The following MRPL1 variants were observed in gnomAD, a reference collection of about 807,000 sequenced individuals.
MRPL1 encodes the protein large ribosomal subunit protein uL1m.
A neutral mutation model predicts 38.0 loss-of-function variants in MRPL1; 28 were observed. The ratio of observed to expected loss-of-function variants is 0.74; its 90% CI spans 0.55 to 1.01. The LOEUF (loss-of-function observed/expected upper bound fraction) is 1.01, where lower values mean the gene tolerates loss of function less well. MRPL1 is among the 50% of genes least tolerant of loss of function. The probability of loss-of-function intolerance (pLI) is 0.00; values close to 1 mark genes in which losing one functional copy is unlikely to be tolerated. For synonymous variants in MRPL1, 123 were observed against 126.7 expected (o/e 0.97, Z 0.20); for missense variants, 358 against 389.8 (o/e 0.92, Z 0.69).
intron 7 of MRPL1, among the ~76,000 whole-genome samples, chr4:77,916,793 A>G (rs1560469197): frequency 6.6e-6 from 1 of 152,218 alleles, no homozygotes; most frequent in African/African-American, 2.4e-5. Flanking sequence ...AAAATTTCAC[A>G]AAGAAATATT....
At chr4:77,948,765 C>A (rs1342678380) in intron 7 of MRPL1, among the ~76,000 whole-genome samples, 2 of 147,978 alleles carry the variant, frequency 1.4e-5, no homozygotes, top group Non-Finnish European at 3.0e-5. Context: ...GAATCTTCTT[C>A]TTCTTCTTTT....
chr4:77,923,621 TTATGTGTG>T (rs1305003487), intron 7 of MRPL1, among the ~76,000 whole-genome samples: 1 of 151,972 alleles, frequency 6.6e-6, no homozygotes, highest in Admixed American at 6.6e-5. Flanking sequence ...TCAATCAAAC[TTATGTGTG>T]TATGTGAGAA....
intron 7 of MRPL1, among the ~76,000 whole-genome samples, chr4:77,928,352 A>G (rs1257069564): frequency 6.6e-6 from 1 of 152,222 alleles, no homozygotes; most frequent in Non-Finnish European, 1.5e-5. Context: ...AACTGGGTCC[A>G]TAGGTTGAAA....
intron 1 of MRPL1, among the ~76,000 whole-genome samples, chr4:77,865,679 T>A (rs756902272): frequency 8.5e-5 from 13 of 152,302 alleles, no homozygotes; most frequent in East Asian, 3.9e-4. Flanking sequence ...CTCCTCTCTG[T>A]ATCTCACACT....
intron 4 of MRPL1, 136 bp from the exon 5 acceptor site, chr4:77,887,084 C>T (rs552960624): frequency 4.8e-5 from 36 of 746,876 alleles, no homozygotes; most frequent in Admixed American, 1.8e-4. Context: ...CCACTGCATC[C>T]AGCCACATTT....
At chr4:77,917,942 C>T (rs1237397077) in intron 7 of MRPL1, among the ~76,000 whole-genome samples, 1 of 151,742 alleles carries the variant, frequency 6.6e-6, no homozygotes, top group African/African-American at 2.4e-5. Flanking sequence ...GTAGTCCCAG[C>T]TACCTGGGAG....
At chr4:77,889,257 A>G (rs941866132) in intron 5 of MRPL1, among the ~76,000 whole-genome samples, 2 of 152,230 alleles carry the variant, frequency 1.3e-5, no homozygotes, top group Admixed American at 1.3e-4. Flanking sequence ...CAAATGTAAA[A>G]GAACAGAAAT....
chr4:77,901,061 A>G (rs956389460), intron 6 of MRPL1, among the ~76,000 whole-genome samples: 2 of 152,202 alleles, frequency 1.3e-5, no homozygotes, highest in Non-Finnish European at 2.9e-5. Context: ...AGTAAATACT[A>G]TTTTAACTAT....
At chr4:77,913,538 G>A (rs903139773) in intron 7 of MRPL1, among the ~76,000 whole-genome samples, 1 of 152,278 alleles carries the variant, frequency 6.6e-6, no homozygotes, top group Admixed American at 6.5e-5. Flanking sequence ...CTCTTACAGC[G>A]TTTGTGGGTA....
chr4:77,867,826 G>A (rs1290344550), intron 1 of MRPL1, among the ~76,000 whole-genome samples: 1 of 144,844 alleles, frequency 6.9e-6, no homozygotes, highest in African/African-American at 2.6e-5. Flanking sequence ...GCACGATCTC[G>A]GCTCACTGCC....
intron 2 of MRPL1, among the ~76,000 whole-genome samples, chr4:77,872,379 C>T (rs114817293): frequency 0.015 from 2,339 of 152,050 alleles, 58 homozygotes; most frequent in African/African-American, 0.054. Context: ...GAGGATTATC[C>T]GTACTATGAT....
At chr4:77,945,039 A>G (rs1737222456) in intron 7 of MRPL1, among the ~76,000 whole-genome samples, 1 of 151,896 alleles carries the variant, frequency 6.6e-6, no homozygotes, top group African/African-American at 2.4e-5. Context: ...CTACCTCATA[A>G]GGTTCTTGGG....
chr4:77,880,385 G>A (rs1042945466), intron 2 of MRPL1, among the ~76,000 whole-genome samples: 1 of 152,010 alleles, frequency 6.6e-6, no homozygotes, highest in African/African-American at 2.4e-5. Context: ...CAGTTGGGAA[G>A]GGGAAAAGAC....
At chr4:77,934,022 G>C (rs1736907169) in intron 7 of MRPL1, among the ~76,000 whole-genome samples, 1 of 152,078 alleles carries the variant, frequency 6.6e-6, no homozygotes, top group South Asian at 2.1e-4. Flanking sequence ...AAAAATCTCT[G>C]GTGCATCATA....
chr4:77,870,997 A>T (rs1735267717), intron 1 of MRPL1, among the ~76,000 whole-genome samples: 1 of 152,204 alleles, frequency 6.6e-6, no homozygotes, highest in Admixed American at 6.5e-5. Flanking sequence ...TGTAAAAATG[A>T]ACAAATAAAT....
intron 6 of MRPL1, among the ~76,000 whole-genome samples, chr4:77,900,008 CTTAT>C (rs1290760441): frequency 6.6e-6 from 1 of 152,128 alleles, no homozygotes; most frequent in East Asian, 1.9e-4. Context: ...CATTTTGTGC[CTTAT>C]TTATTCATCT....
intron 2 of MRPL1, among the ~76,000 whole-genome samples, chr4:77,882,265 A>G (rs1291165828): frequency 1.3e-5 from 2 of 152,146 alleles, no homozygotes; most frequent in African/African-American, 4.8e-5. Context: ...AGTACTTTTT[A>G]TTACGTTGTT....
At chr4:77,898,727 C>G (rs1360044158) in intron 6 of MRPL1, among the ~76,000 whole-genome samples, 1 of 152,028 alleles carries the variant, frequency 6.6e-6, no homozygotes, top group Non-Finnish European at 1.5e-5. Context: ...CTCCTGACCT[C>G]AAATGATCCA....
At chr4:77,888,382 G>T (rs1000476212) in intron 5 of MRPL1, among the ~76,000 whole-genome samples, 4 of 152,270 alleles carry the variant, frequency 2.6e-5, no homozygotes. Context: ...GCACATGCCT[G>T]TAATCCTAGC....
Sources: gnomAD v4.1 joint callset for allele counts (sites outside exome capture counted in the v4.1 genomes callset) on GRCh38, gnomAD v4.1.1 for gene constraint, MANE v1.5 for transcripts, NCBI Gene and HGNC (gene_info 2026-07-23, HGNC 2026-07-21) for gene names.